PDE4D: variants seen among roughly 807,000 people sequenced by gnomAD.
The protein encoded by PDE4D is 3',5'-cyclic-AMP phosphodiesterase 4D.
Under a neutral mutation model 87.4 loss-of-function variants are expected in PDE4D, and 24 were observed. The observed-to-expected ratio is 0.27, with a 90% CI of 0.20 to 0.39. PDE4D has a LOEUF of 0.39. PDE4D is among the 10% of genes least tolerant of loss of function. PDE4D has a pLI of 1.00. For missense variants in PDE4D, 714 were observed against 1,041.0 expected (o/e 0.69, Z 4.32); for synonymous variants, 384 against 383.2 (o/e 1.00, Z -0.02).
intron 2 of PDE4D, among the ~76,000 whole-genome samples, chr5:60,025,844 T>C (rs1268292465): frequency 1.3e-5 from 2 of 152,184 alleles, no homozygotes; most frequent in African/African-American, 4.8e-5. Flanking sequence ...ATTGCACCAC[T>C]ACACTCCAGC....
At chr5:60,517,471 A>AT (rs1750851995) in intron 1 of PDE4D, among the ~76,000 whole-genome samples, 1 of 152,222 alleles carries the variant, frequency 6.6e-6, no homozygotes, top group Non-Finnish European at 1.5e-5. Context: ...CCATAGACCA[A>AT]TTAGCACTCA....
chr5:59,631,663 T>C (rs1831577843), intron 1 of PDE4D, among the ~76,000 whole-genome samples: 1 of 152,124 alleles, frequency 6.6e-6, no homozygotes, highest in Admixed American at 6.5e-5. Flanking sequence ...CTCCCTCCTC[T>C]ACCCAAGGGA....
At chr5:59,261,714 C>T (rs1762034586) in intron 1 of PDE4D, among the ~76,000 whole-genome samples, 1 of 151,650 alleles carries the variant, frequency 6.6e-6, no homozygotes. Context: ...TCTTTGAAAA[C>T]TCAAAGGCTA....
intron 1 of PDE4D, among the ~76,000 whole-genome samples, chr5:59,622,052 T>C (rs1032046978): frequency 1.3e-5 from 2 of 152,150 alleles, no homozygotes; most frequent in East Asian, 3.8e-4. Context: ...ACTTCTGGCT[T>C]CAGAAGATAA....
chr5:60,320,401 A>G (rs1226274189), intron 1 of PDE4D, among the ~76,000 whole-genome samples: 7 of 152,118 alleles, frequency 4.6e-5, no homozygotes, highest in African/African-American at 1.7e-4. Context: ...TTGACTAGGA[A>G]AGGGAATTCC....
chr5:59,878,887 GTTTTTTTTTTTT>G (rs70975345), intron 1 of PDE4D, among the ~76,000 whole-genome samples: 45 of 71,754 alleles, frequency 6.3e-4, no homozygotes, highest in Non-Finnish European at 9.3e-4. Context: ...ACCGAAGTAA[GTTTTTTTTTTTT>G]TTTTTTTTTT....
chr5:59,220,371 C>G (rs1193670847), intron 1 of PDE4D, among the ~76,000 whole-genome samples: 1 of 79,880 alleles, frequency 1.3e-5, no homozygotes, highest in South Asian at 6.3e-4. Flanking sequence ...GAGCATGACT[C>G]TGTCTCAAAA....
intron 1 of PDE4D, among the ~76,000 whole-genome samples, chr5:59,254,178 G>T (rs1480623793): frequency 6.6e-6 from 1 of 152,006 alleles, no homozygotes; most frequent in Admixed American, 6.6e-5. Flanking sequence ...ATGATACTTG[G>T]AGAAGAATGT....
Position 59,457,827 on chromosome 5 carries a change from C to T in PDE4D, c.456-241859G>A, listed in dbSNP as rs528564730. ...AGGAAAATCGCTTGAACCCAGGAAA[C>T]GGAGTTTGCAGTGAGCTGAGTTTGT... is the stretch of plus-strand genomic sequence containing the variant. On this transcript the variant is annotated intron_variant, in intron 1 of 14. Transcript: ENST00000340635. Among the ~76,000 whole-genome samples, 18 of 151,900 alleles carry T rather than the reference C, an allele frequency of 1.2e-4. 1 individual carries two copies. Among genetic ancestry groups the T allele is most frequent in the Admixed American group, 5.9e-4 (9 of 15,248 alleles).
intron 2 of PDE4D, among the ~76,000 whole-genome samples, chr5:60,017,575 G>T (rs1394547810): frequency 2.6e-5 from 4 of 152,176 alleles, no homozygotes; most frequent in African/African-American, 9.6e-5. Flanking sequence ...GAGTTAGTTT[G>T]CTGAGAATAA....
At chr5:59,288,683 A>G (rs565875346) in intron 1 of PDE4D, among the ~76,000 whole-genome samples, 3 of 152,140 alleles carry the variant, frequency 2.0e-5, no homozygotes, top group African/African-American at 7.2e-5. Context: ...GTCAAAGATA[A>G]GAAAGAATCT....
intron 1 of PDE4D, among the ~76,000 whole-genome samples, chr5:59,600,622 C>A (rs1827362592): frequency 6.6e-6 from 1 of 152,150 alleles, no homozygotes; most frequent in South Asian, 2.1e-4. Flanking sequence ...ATAACCCACA[C>A]AAGGGGATGT....
intron 1 of PDE4D, among the ~76,000 whole-genome samples, chr5:59,227,046 G>C (rs539661614): frequency 9.9e-5 from 15 of 152,176 alleles, no homozygotes; most frequent in Admixed American, 2.0e-4. Context: ...CTGGACCTGA[G>C]AGTCAGCTGT....
At chr5:60,370,019 C>A (rs1028900495) in intron 1 of PDE4D, among the ~76,000 whole-genome samples, 21 of 151,960 alleles carry the variant, frequency 1.4e-4, no homozygotes, top group Non-Finnish European at 2.9e-5. Flanking sequence ...CATTTTTTTT[C>A]AATTAGTGCC....
chr5:60,328,050 C>T (rs1255058519), intron 1 of PDE4D, among the ~76,000 whole-genome samples: 1 of 152,138 alleles, frequency 6.6e-6, no homozygotes, highest in Non-Finnish European at 1.5e-5. Context: ...AGATAATTGT[C>T]ACCAGCCTAT....
At chr5:59,070,581 T>A (rs909904908) in intron 5 of PDE4D, among the ~76,000 whole-genome samples, 2 of 152,328 alleles carry the variant, frequency 1.3e-5, no homozygotes, top group East Asian at 3.9e-4. Context: ...ATTATAGTCT[T>A]ACTTAGATTG....
At chr5:59,841,898 G>A (rs1422956373) in intron 1 of PDE4D, among the ~76,000 whole-genome samples, 1 of 152,056 alleles carries the variant, frequency 6.6e-6, no homozygotes, top group East Asian at 1.9e-4. Flanking sequence ...CTCCGTGTGT[G>A]TGCAGGAAGG....
intron 2 of PDE4D, among the ~76,000 whole-genome samples, chr5:60,141,814 T>C (rs920501887): frequency 1.3e-5 from 2 of 152,196 alleles, no homozygotes; most frequent in African/African-American, 4.8e-5. Flanking sequence ...GGAGAGGCCT[T>C]GGTTTGAATC....
upstream of PDE4D, among the ~76,000 whole-genome samples, chr5:59,895,387 G>A (rs1224821406): frequency 1.3e-5 from 2 of 152,196 alleles, no homozygotes; most frequent in African/African-American, 4.8e-5. Context: ...CTGCTCATAT[G>A]TGGACTATAC....
Sources: gnomAD v4.1 joint callset for allele counts (sites outside exome capture counted in the v4.1 genomes callset) on GRCh38, gnomAD v4.1.1 for gene constraint, MANE v1.5 for transcripts, NCBI Gene and HGNC (gene_info 2026-07-23, HGNC 2026-07-21) for gene names.